The following DIAPH3 variants were observed in gnomAD, a reference collection of about 807,000 sequenced individuals.
The protein encoded by DIAPH3 is protein diaphanous homolog 3.
In DIAPH3, 117 loss-of-function variants were observed where a neutral mutation model predicts 144.3. The observed-to-expected ratio is 0.81, with a 90% CI of 0.70 to 0.95. The LOEUF (loss-of-function observed/expected upper bound fraction) is 0.95. Ranked by LOEUF, DIAPH3 falls within the 40% of genes least tolerant of loss-of-function variation. DIAPH3 has a pLI of 0.00. For synonymous variants in DIAPH3, 519 were observed against 488.9 expected (o/e 1.06, Z -0.81); for missense variants, 1,421 against 1,412.7 (o/e 1.01, Z -0.09).
chr13:59,716,183 T>TA (rs1311688902), intron 27 of DIAPH3, among the ~76,000 whole-genome samples: 75 of 151,704 alleles, frequency 4.9e-4, no homozygotes, highest in African/African-American at 1.7e-3. Context: ...AAGAAACTTA[T>TA]TTTTTTTTTG....
At chr13:59,937,688 A>G (rs1339292581) in intron 17 of DIAPH3, among the ~76,000 whole-genome samples, 1 of 152,204 alleles carries the variant, frequency 6.6e-6, no homozygotes, top group Non-Finnish European at 1.5e-5. Context: ...AAATACTGAA[A>G]AAGAATTGAC....
At chr13:60,089,990 A>AT (rs1319408138) in intron 4 of DIAPH3, among the ~76,000 whole-genome samples, 2 of 152,210 alleles carry the variant, frequency 1.3e-5, no homozygotes, top group East Asian at 3.9e-4. Context: ...ATCACTTCAC[A>AT]TAATGAAGAG....
At chr13:59,946,106 T>C (rs1323901380) in intron 17 of DIAPH3, among the ~76,000 whole-genome samples, 3 of 152,148 alleles carry the variant, frequency 2.0e-5, no homozygotes, top group African/African-American at 7.2e-5. Flanking sequence ...GCAACACTTT[T>C]ATGGCTTCCA....
chr13:59,853,051 T>C (rs1265601203), intron 22 of DIAPH3, among the ~76,000 whole-genome samples: 1 of 152,150 alleles, frequency 6.6e-6, no homozygotes, highest in Non-Finnish European at 1.5e-5. Context: ...TAAGTACTAA[T>C]ATTGCACCCA....
chr13:60,065,244 T>C lies in DIAPH3; in HGVS notation c.496-22424A>G, dbSNP rs1199491199. 2.5e-3 allele frequency among the ~76,000 whole-genome samples: 316 copies of C among 128,152 alleles called. 4 individuals are homozygous for C. Among genetic ancestry groups the C allele is most frequent in the South Asian group, 3.0e-3 (11 of 3,712 alleles). The allele number at this position is 128,152 out of a possible 152,430, so 84.1% of individuals were successfully genotyped here. ...CTCAATGCAGGGTTTCCACAGTCCTTTAATTTATTAAAAAAAAAAAAAAAA... is the reference window on the plus strand; with the variant it reads ...CTCAATGCAGGGTTTCCACAGTCCTCTAATTTATTAAAAAAAAAAAAAAAA... On this transcript the variant is annotated intron_variant, in intron 4 of 27. Transcript: ENST00000400324.
chr13:59,938,247 G>A (rs1400998335), intron 17 of DIAPH3, among the ~76,000 whole-genome samples: 1 of 152,106 alleles, frequency 6.6e-6, no homozygotes, highest in African/African-American at 2.4e-5. Context: ...AATCTGGGCT[G>A]TTAAAATTTG....
chr13:60,157,329 T>C (rs1225748114), intron 1 of DIAPH3, among the ~76,000 whole-genome samples: 2 of 152,196 alleles, frequency 1.3e-5, no homozygotes, highest in Admixed American at 1.3e-4. Flanking sequence ...CAGAAGACTA[T>C]GGCAAAATAA....
At chr13:59,982,416 A>C in intron 13 of DIAPH3, among the ~76,000 whole-genome samples, 4 of 146,178 alleles carry the variant, frequency 2.7e-5, no homozygotes, top group Admixed American at 2.1e-4. Flanking sequence ...TCCTCTTCCC[A>C]CTCCCCCCAC....
chr13:60,156,037 T>C (rs1952009921), intron 1 of DIAPH3, among the ~76,000 whole-genome samples: 1 of 152,192 alleles, frequency 6.6e-6, no homozygotes, highest in African/African-American at 2.4e-5. Flanking sequence ...ACAACAGAAA[T>C]TCATTCTCTC....
intron 27 of DIAPH3, among the ~76,000 whole-genome samples, chr13:59,693,563 T>C (rs947439911): frequency 6.6e-6 from 1 of 152,188 alleles, no homozygotes; most frequent in Non-Finnish European, 1.5e-5. Flanking sequence ...TCGGAATTAT[T>C]TGCAATCTCA....
At chr13:59,992,684 T>C in intron 9 of DIAPH3, 101 bp from the exon 10 acceptor site, 1 of 930,868 alleles carries the variant, frequency 1.1e-6, no homozygotes. Context: ...TTAAATATCT[T>C]TCCTATTAAA....
In DIAPH3 at chr13:59,949,843, C is replaced by T. The variant is rs118131630; in HGVS notation, c.2074+20101G>A. On this transcript the variant is annotated intron_variant, in intron 17 of 27. Coordinates refer to ENST00000400324, the MANE Select transcript of DIAPH3 (RefSeq NM_001042517.2). ...CACCAGCTTGATTCACTCTATAATC[C>T]TAAATCATCCCATGCTCTGCTTTCT... is the stretch of plus-strand genomic sequence containing the variant. 2.7e-3 allele frequency among the ~76,000 whole-genome samples: 415 copies of T among 152,224 alleles called. 3 individuals are homozygous for T. Among genetic ancestry groups the T allele is most frequent in the Non-Finnish European group, 4.3e-3 (291 of 67,998 alleles).
At chr13:60,133,057 A>G (rs919371368) in intron 1 of DIAPH3, 68 bp from the exon 2 acceptor site, 14 of 1,133,042 alleles carry the variant, frequency 1.2e-5, no homozygotes, top group African/African-American at 1.1e-4. Context: ...TTAATAGGGT[A>G]CATTCAAAAT....
At position 59,684,799 on chromosome 13, in the gene DIAPH3, T is replaced by C. The variant is rs75680532; in HGVS notation, c.3320-17953A>G. The stretch of plus-strand genomic sequence containing the variant: ...TGTACAAATAAAGAAAGAACTTTCA[T>C]TTCTAAGACTTTCAATGTAATCTAT... On this transcript the variant is annotated intron_variant, in intron 27 of 27. Coordinates refer to ENST00000400324, the MANE Select transcript of DIAPH3 (RefSeq NM_001042517.2). Among the ~76,000 whole-genome samples the C allele has an allele frequency of 1.1e-4, 17 of 152,296 alleles. No individual in the cohort carries two copies. The East Asian group carries it at 2.9e-3, about 26-fold the overall frequency.
chr13:60,126,515 T>G (rs2058995433), intron 2 of DIAPH3, among the ~76,000 whole-genome samples: 1 of 152,144 alleles, frequency 6.6e-6, no homozygotes, highest in South Asian at 2.1e-4. Flanking sequence ...AAAATCACAG[T>G]GGGAGACTTC....
rs373714046 is a variant in DIAPH3 at position 59,929,811 on chromosome 13, TC to T, written c.2075-4942del. Among the ~76,000 whole-genome samples, 563 of 152,080 alleles carry T rather than the reference TC, an allele frequency of 3.7e-3. 2 individuals carry two copies. The highest frequency in any genetic ancestry group is 0.012 in the African/African-American group (497 of 41,476). On this transcript the variant is annotated intron_variant, in intron 17 of 27. Transcript: ENST00000400324. ...GTCTCAAACTCCTGACCTCAAGTGATCCACCGGCCTCAGCCTCCCAAAGTGT... is the reference window on the plus strand; with the variant it reads ...GTCTCAAACTCCTGACCTCAAGTGATCACCGGCCTCAGCCTCCCAAAGTGT...
At chr13:60,045,395 T>C (rs1158063540) in intron 4 of DIAPH3, among the ~76,000 whole-genome samples, 1 of 152,136 alleles carries the variant, frequency 6.6e-6, no homozygotes, top group Non-Finnish European at 1.5e-5. Context: ...GTACATCTTA[T>C]TAGCAGCGCG....
intron 21 of DIAPH3, among the ~76,000 whole-genome samples, chr13:59,863,209 C>T (rs1235319806): frequency 6.6e-6 from 1 of 151,816 alleles, no homozygotes; most frequent in African/African-American, 2.4e-5. Context: ...GGTATGAACA[C>T]AGGACTAATA....
chr13:59,820,348 G>A (rs919475180), intron 24 of DIAPH3, among the ~76,000 whole-genome samples: 3 of 151,928 alleles, frequency 2.0e-5, no homozygotes, highest in African/African-American at 7.2e-5. Flanking sequence ...TGGAAGGCAA[G>A]ATGTAGTTCT....
Sources: allele counts gnomAD v4.1 joint callset (sites outside exome capture counted in the v4.1 genomes callset), GRCh38; gene constraint gnomAD v4.1.1; transcripts MANE v1.5; gene names NCBI Gene and HGNC (gene_info 2026-07-23, HGNC 2026-07-21).